Variants in CTNNA2 observed in about 807,000 individuals in gnomAD.
CTNNA2 encodes the protein catenin alpha 2, also known as catenin alpha-2.
CTNNA2 carries 42 observed loss-of-function variants against 101.0 expected under a neutral mutation model. The ratio of observed to expected loss-of-function variants is 0.42; its 90% CI spans 0.32 to 0.54. The LOEUF is 0.54. Among genes scored for constraint, CTNNA2 ranks in the 20% least tolerant of loss-of-function variants. The probability of loss-of-function intolerance (pLI) is 0.14; values close to 1 mark genes in which losing one functional copy is unlikely to be tolerated. For synonymous variants in CTNNA2, 450 were observed against 456.4 expected (o/e 0.99, Z 0.18); for missense variants, 871 against 1,223.1 (o/e 0.71, Z 4.29).
intron 7 of CTNNA2, among the ~76,000 whole-genome samples, chr2:80,236,171 A>C (rs1175723422): frequency 6.6e-6 from 1 of 152,118 alleles, no homozygotes; most frequent in Non-Finnish European, 1.5e-5. Flanking sequence ...GTAGTATTCC[A>C]TGGTTTATAT....
chr2:80,312,635 G>C (rs1437025462), intron 7 of CTNNA2, among the ~76,000 whole-genome samples: 8 of 152,202 alleles, frequency 5.3e-5, no homozygotes, highest in Non-Finnish European at 1.2e-4. Flanking sequence ...ATTTTGTGAA[G>C]AGAAACTTGG....
intron 4 of CTNNA2, among the ~76,000 whole-genome samples, chr2:79,388,215 G>A (rs1678126829): frequency 6.6e-6 from 1 of 152,194 alleles, no homozygotes; most frequent in African/African-American, 2.4e-5. Flanking sequence ...TATTTATCCA[G>A]CATATGTTGG....
At chr2:79,685,291 G>C (rs1683858032) in intron 2 of CTNNA2, among the ~76,000 whole-genome samples, 1 of 152,054 alleles carries the variant, frequency 6.6e-6, no homozygotes, top group East Asian at 1.9e-4. Flanking sequence ...ATCGTGCCTG[G>C]CTTTATGGAA....
At chr2:79,466,657 C>A (rs549067400) in intron 4 of CTNNA2, among the ~76,000 whole-genome samples, 1 of 152,158 alleles carries the variant, frequency 6.6e-6, no homozygotes, top group African/African-American at 2.4e-5. Flanking sequence ...CCCACACAGC[C>A]GAGTACCCCT....
At chr2:79,635,460 G>C (rs1426119492) in intron 1 of CTNNA2, among the ~76,000 whole-genome samples, 1 of 151,710 alleles carries the variant, frequency 6.6e-6, no homozygotes, top group Non-Finnish European at 1.5e-5. Context: ...AAAAAAAAAA[G>C]TGACTACTGC....
intron 4 of CTNNA2, among the ~76,000 whole-genome samples, chr2:79,415,396 C>G (rs1164563970): frequency 6.6e-6 from 1 of 152,126 alleles, no homozygotes. Flanking sequence ...AATTAAACCT[C>G]TTTTCTTTAT....
At chr2:80,058,185 G>C (rs1346067279) in intron 7 of CTNNA2, among the ~76,000 whole-genome samples, 1 of 152,148 alleles carries the variant, frequency 6.6e-6, no homozygotes, top group Non-Finnish European at 1.5e-5. Context: ...TAGGATACTG[G>C]GTCTTCTTGT....
At chr2:79,320,689 C>T (rs752904527) in intron 3 of CTNNA2, among the ~76,000 whole-genome samples, 22 of 152,130 alleles carry the variant, frequency 1.4e-4, no homozygotes, top group Non-Finnish European at 2.9e-4. Flanking sequence ...ACAGGCTTTG[C>T]GCAGAGGAAC....
chr2:79,941,240 T>C (rs1037458813), intron 7 of CTNNA2, among the ~76,000 whole-genome samples: 2 of 152,250 alleles, frequency 1.3e-5, no homozygotes, highest in African/African-American at 4.8e-5. Flanking sequence ...ATAGCCTATA[T>C]TTGAATGTTA....
intron 7 of CTNNA2, among the ~76,000 whole-genome samples, chr2:80,261,145 C>A (rs922607660): frequency 6.6e-6 from 1 of 152,122 alleles, no homozygotes; most frequent in African/African-American, 2.4e-5. Flanking sequence ...AGTTGCTTCC[C>A]GGTTCATACA....
chr2:79,826,570 C>A (rs1356552594), intron 3 of CTNNA2, among the ~76,000 whole-genome samples: 1 of 152,214 alleles, frequency 6.6e-6, no homozygotes, highest in African/African-American at 2.4e-5. Flanking sequence ...TGCATGTCTT[C>A]TGGGATCTAG....
At chr2:79,463,395 CAAAAAA>C (rs10546803) in intron 4 of CTNNA2, among the ~76,000 whole-genome samples, 1 of 117,808 alleles carries the variant, frequency 8.5e-6, no homozygotes, top group Non-Finnish European at 1.8e-5. Flanking sequence ...GAGACTGTCT[CAAAAAA>C]AAAAAAAAAA....
chr2:80,208,434 A>C (rs1335028390), intron 7 of CTNNA2, among the ~76,000 whole-genome samples: 1 of 152,186 alleles, frequency 6.6e-6, no homozygotes, highest in Non-Finnish European at 1.5e-5. Flanking sequence ...CTATACTGCT[A>C]ACAATTATAA....
intron 2 of CTNNA2, among the ~76,000 whole-genome samples, chr2:79,200,905 G>T (rs1352651669): frequency 6.6e-6 from 1 of 151,834 alleles, no homozygotes; most frequent in Non-Finnish European, 1.5e-5. Context: ...AATCTGAAAG[G>T]GTTTGATTTA....
chr2:79,370,021 T>C (rs943789777), intron 3 of CTNNA2, among the ~76,000 whole-genome samples: 19 of 152,190 alleles, frequency 1.2e-4, no homozygotes, highest in African/African-American at 4.6e-4. Context: ...GAGGAGGTGC[T>C]CAACTTTATG....
At chr2:80,031,521 G>T (rs1261329203) in intron 7 of CTNNA2, among the ~76,000 whole-genome samples, 1 of 152,150 alleles carries the variant, frequency 6.6e-6, no homozygotes, top group Non-Finnish European at 1.5e-5. Context: ...ATTTACTATC[G>T]TGAGAACAGC....
rs535467490 is a variant in CTNNA2 at position 80,411,437 on chromosome 2, C to T, written c.1138-8012C>T. On this transcript the variant is annotated intron_variant, in intron 8 of 18. Transcript: ENST00000402739. ...GATTCCATCTTATGGTGTCCATCTG[C>T]CATGGGTTCTCTTCTTTTATCCTCT... Among the ~76,000 whole-genome samples, 9 of 152,238 alleles carry T rather than the reference C, an allele frequency of 5.9e-5. No homozygotes were observed. The South Asian group carries it at 1.9e-3, about 32-fold the overall frequency.
intron 4 of CTNNA2, among the ~76,000 whole-genome samples, chr2:79,428,862 C>T (rs911273763): frequency 6.6e-6 from 1 of 152,084 alleles, no homozygotes; most frequent in African/African-American, 2.4e-5. Context: ...TATCTCCAAG[C>T]CTGCTAGTTA....
At chr2:80,214,376 C>T (rs1432040947) in intron 7 of CTNNA2, among the ~76,000 whole-genome samples, 2 of 152,066 alleles carry the variant, frequency 1.3e-5, no homozygotes, top group East Asian at 1.9e-4. Flanking sequence ...ATGTTTAGTG[C>T]TTCCTTCAGG....
Sources: allele counts gnomAD v4.1 joint callset (sites outside exome capture counted in the v4.1 genomes callset), GRCh38; gene constraint gnomAD v4.1.1; transcripts MANE v1.5; gene names NCBI Gene and HGNC (gene_info 2026-07-23, HGNC 2026-07-21).